Variants in MGAT5 observed in about 807,000 individuals in gnomAD.
MGAT5 encodes the protein alpha-1,6-mannosylglycoprotein 6-beta-N-acetylglucosaminyltransferase.
Under a neutral mutation model 94.3 loss-of-function variants are expected in MGAT5, and 30 were observed. The ratio of observed to expected loss-of-function variants is 0.32; its 90% CI spans 0.24 to 0.43. MGAT5 has a LOEUF of 0.43. Among genes scored for constraint, MGAT5 ranks in the 20% least tolerant of loss-of-function variants. The probability of loss-of-function intolerance (pLI) is 1.00; values close to 1 mark genes in which losing one functional copy is unlikely to be tolerated. For synonymous variants in MGAT5, 310 were observed against 322.9 expected, an observed-to-expected ratio of 0.96 and a Z score of 0.43; for missense variants, 691 against 905.5, an observed-to-expected ratio of 0.76 and a Z score of 3.04.
chr2:134,397,281 C>T (rs1405457105), intron 10 of MGAT5, among the ~76,000 whole-genome samples: 1 of 152,124 alleles, frequency 6.6e-6, no homozygotes, highest in Admixed American at 6.6e-5. Flanking sequence ...GAGACAAAGA[C>T]TAAAGTACCA....
chr2:134,435,143 C>T (rs1338492863), intron 14 of MGAT5, among the ~76,000 whole-genome samples: 2 of 152,152 alleles, frequency 1.3e-5, no homozygotes, highest in African/African-American at 2.4e-5. Context: ...CCCCTCTTCC[C>T]GGAAATCTCC....
At chr2:134,388,024 T>G (rs1682139617) in intron 10 of MGAT5, among the ~76,000 whole-genome samples, 1 of 152,102 alleles carries the variant, frequency 6.6e-6, no homozygotes, top group Non-Finnish European at 1.5e-5. Flanking sequence ...TTCATGGGGA[T>G]CAGAGCCTTG....
intron 4 of MGAT5, among the ~76,000 whole-genome samples, chr2:134,320,761 T>C (rs1029429155): frequency 3.2e-4 from 48 of 152,192 alleles, no homozygotes; most frequent in African/African-American, 1.2e-3. Flanking sequence ...TGCCTCTCTT[T>C]TCTTTGCCAT....
At chr2:134,207,024 C>T (rs1300765341) in intron 1 of MGAT5, among the ~76,000 whole-genome samples, 1 of 152,214 alleles carries the variant, frequency 6.6e-6, no homozygotes, top group Non-Finnish European at 1.5e-5. Flanking sequence ...AATACAGAGT[C>T]TCACTGGGCT....
intron 4 of MGAT5, 37 bp from the exon 5 acceptor site, chr2:134,336,180 A>C (rs938113130): frequency 6.5e-7 from 1 of 1,537,500 alleles, no homozygotes; most frequent in East Asian, 2.3e-5. Context: ...TTCATTATAG[A>C]TGAAGCTGCA....
chr2:134,329,585 A>G (rs576882319), intron 4 of MGAT5, among the ~76,000 whole-genome samples: 1 of 152,198 alleles, frequency 6.6e-6, no homozygotes, highest in African/African-American at 2.4e-5. Flanking sequence ...GATTGAGCAT[A>G]TCAGCTCTGG....
At chr2:134,330,588 G>C (rs985596395) in intron 4 of MGAT5, among the ~76,000 whole-genome samples, 1 of 74,550 alleles carries the variant, frequency 1.3e-5, no homozygotes, top group Non-Finnish European at 2.4e-5. Flanking sequence ...TGTGTGTTAC[G>C]AAGCCCAACA....
In MGAT5 at chr2:134,396,830, G is replaced by GACAGTGC. The variant is rs1168405696; in HGVS notation, c.1381-6156_1381-6150dup. Among the ~76,000 whole-genome samples the GACAGTGC allele has an allele frequency of 4.6e-5, 7 of 152,254 alleles. No individual in the cohort carries two copies. In the South Asian group the frequency reaches 1.4e-3, roughly 32 times the overall value. ...TTCCAGCCATCTGGGAACATCCAGT[G>GACAGTGC]ACAGTGCAGCCCAAGCAGGAAGATG... On this transcript the variant is annotated intron_variant, in intron 10 of 15. Coordinates refer to ENST00000281923, the MANE Select transcript of MGAT5 (RefSeq NM_002410.5).
intron 1 of MGAT5, among the ~76,000 whole-genome samples, chr2:134,221,081 CAA>C (rs887699237): frequency 7.2e-5 from 11 of 152,148 alleles, no homozygotes; most frequent in South Asian, 6.2e-4. Context: ...TGGGTGTTGA[CAA>C]AAAGAGTCAA....
chr2:134,295,840 G>T (rs1685641746), intron 2 of MGAT5, among the ~76,000 whole-genome samples: 1 of 152,154 alleles, frequency 6.6e-6, no homozygotes, highest in South Asian at 2.1e-4. Flanking sequence ...AATCTAAACA[G>T]TGCTTAAGGG....
chr2:134,225,209 G>A (rs1681000546), intron 1 of MGAT5, among the ~76,000 whole-genome samples: 1 of 152,156 alleles, frequency 6.6e-6, no homozygotes, highest in African/African-American at 2.4e-5. Context: ...CCACTGCAAG[G>A]AACAAAGGTG....
chr2:134,270,299 T>C, intron 1 of MGAT5, 87 bp from the exon 2 acceptor site: 2 of 1,308,626 alleles, frequency 1.5e-6, no homozygotes, highest in Non-Finnish European at 2.1e-6. Flanking sequence ...ATTTGAGAAG[T>C]TTTGTTCTCC....
chr2:134,438,544 T>G (rs947643725), intron 14 of MGAT5, among the ~76,000 whole-genome samples: 30 of 152,224 alleles, frequency 2.0e-4, no homozygotes, highest in Admixed American at 2.0e-3. Flanking sequence ...GCCAGCAGGT[T>G]TCCTGTCACC....
chr2:134,425,387 G>GT (rs912186512), intron 13 of MGAT5, among the ~76,000 whole-genome samples: 27 of 151,376 alleles, frequency 1.8e-4, no homozygotes, highest in African/African-American at 3.6e-4. Flanking sequence ...GTTTTGTTTT[G>GT]TTTTTTTGTG....
intron 11 of MGAT5, among the ~76,000 whole-genome samples, chr2:134,410,253 C>T (rs767886517): frequency 1.4e-4 from 22 of 152,198 alleles, no homozygotes; most frequent in Non-Finnish European, 2.2e-4. Flanking sequence ...GAACTCTCTC[C>T]GCCTGTTGTG....
intron 1 of MGAT5, among the ~76,000 whole-genome samples, chr2:134,236,124 T>C (rs1681626139): frequency 6.6e-6 from 1 of 152,208 alleles, no homozygotes; most frequent in Non-Finnish European, 1.5e-5. Flanking sequence ...AGTTTTGAGA[T>C]GTGGCTTGTT....
intron 10 of MGAT5, among the ~76,000 whole-genome samples, chr2:134,366,758 C>G (rs762810676): frequency 1.6e-4 from 25 of 152,202 alleles, no homozygotes; most frequent in Non-Finnish European, 2.9e-4. Flanking sequence ...GTTGGAAGAG[C>G]ATGCTTTGAG....
intron 1 of MGAT5, among the ~76,000 whole-genome samples, chr2:134,234,787 A>C (rs1431346095): frequency 1.3e-5 from 2 of 152,234 alleles, no homozygotes; most frequent in Non-Finnish European, 2.9e-5. Context: ...CTGTTTAGAA[A>C]GTCCAGAATA....
At chr2:134,298,636 T>A (rs1409050170) in intron 2 of MGAT5, among the ~76,000 whole-genome samples, 1 of 152,166 alleles carries the variant, frequency 6.6e-6, no homozygotes, top group East Asian at 1.9e-4. Flanking sequence ...AATTTCCAGA[T>A]GTTGGAAGGT....
Sources: gnomAD v4.1 joint callset for allele counts (sites outside exome capture counted in the v4.1 genomes callset) on GRCh38, gnomAD v4.1.1 for gene constraint, MANE v1.5 for transcripts, NCBI Gene and HGNC (gene_info 2026-07-23, HGNC 2026-07-21) for gene names.